The following FAAH2 variants were observed in gnomAD, a reference collection of about 807,000 sequenced individuals.
FAAH2 encodes the protein fatty acid amide hydrolase 2.
FAAH2 carries 60 observed loss-of-function variants against 36.9 expected under a neutral mutation model. The observed-to-expected ratio is 1.63, with a 90% CI of 1.32 to 2.02. The LOEUF (loss-of-function observed/expected upper bound fraction) is 2.02. FAAH2 is among the 30% of genes most tolerant of loss of function. The pLI, the probability that FAAH2 is intolerant of heterozygous loss-of-function variation, is 0.00. For missense variants in FAAH2, 689 were observed against 397.5 expected, an observed-to-expected ratio of 1.73 and a Z score of -6.23; for synonymous variants, 214 against 143.8, an observed-to-expected ratio of 1.49 and a Z score of -3.49.
the FAAH2 span, among the ~76,000 whole-genome samples, chrX:57,271,837 G>A: frequency 9.0e-6 from 1 of 110,703 alleles, no homozygotes; most frequent in Non-Finnish European, 1.9e-5. Flanking sequence ...AATCCAGAAT[G>A]CCTCTCTTCC....
At chrX:57,474,316 C>G (rs902122866) in intron 10 of FAAH2, among the ~76,000 whole-genome samples, 1 of 111,013 alleles carries the variant, frequency 9.0e-6, no homozygotes, top group African/African-American at 3.3e-5. Flanking sequence ...AGGCTTTAAG[C>G]CCTGCATTTA....
rs1188071570 is a variant in FAAH2 at position 57,310,635 on chromosome X, G to T, written c.318G>T (p.Lys106Asn). The change falls in exon 3 of 11, where the codon AAG becomes AAT. Residue 106 changes from lysine (K) to asparagine (N), a missense_variant. Coordinates refer to ENST00000374900, the MANE Select transcript of FAAH2 (RefSeq NM_174912.4). Reference sequence around the variant, plus strand: ...AGGAGGCTCATGCTGTAGATCAAAAGCTTGCAGAGAAGCAGGAAGATGAAG... The same window carrying T: ...AGGAGGCTCATGCTGTAGATCAAAATCTTGCAGAGAAGCAGGAAGATGAAG... The part of the protein sequence containing the change: ...AMKEAHAVDQ[K>N]LAEKQEDEAT... The T allele has an allele frequency of 8.3e-7, 1 of 1,210,096 alleles. No homozygotes were observed. The highest frequency in any genetic ancestry group is 3.0e-5 in the East Asian group (1 of 33,777).
intron 7 of FAAH2, among the ~76,000 whole-genome samples, chrX:57,405,435 C>T (rs1042887461): frequency 1.3e-4 from 14 of 110,404 alleles, no homozygotes; most frequent in African/African-American, 4.6e-4. Flanking sequence ...AGGCACTTAG[C>T]CATGCAGGAA....
chrX:57,313,656 A>G (rs1263983358), intron 3 of FAAH2, among the ~76,000 whole-genome samples: 1 of 110,556 alleles, frequency 9.0e-6, no homozygotes, highest in East Asian at 2.8e-4. Flanking sequence ...CCTCGCAAAT[A>G]AGCTTCATAA....
At chrX:57,256,119 C>A in the FAAH2 span, among the ~76,000 whole-genome samples, 7 of 111,845 alleles carry the variant, frequency 6.3e-5, no homozygotes, top group African/African-American at 9.7e-5. Flanking sequence ...ACAAGCATTG[C>A]TGTAAACAAA....
In FAAH2 at chrX:57,286,793, C is replaced by G; in HGVS notation, c.-33C>G. ...CTTTCCCCAGGGTGCACGTAACCCT[C>G]AAGCACTAGGACCGTGCGGAATCCA... is the stretch of plus-strand genomic sequence containing the variant. On this transcript the variant is annotated 5_prime_UTR_variant, in exon 1 of 11. Coordinates refer to ENST00000374900, the MANE Select transcript of FAAH2 (RefSeq NM_174912.4). 9.1e-7 allele frequency: 1 copy of G among 1,096,603 alleles called. No homozygotes were observed. The highest frequency in any genetic ancestry group is 1.2e-6 in the Non-Finnish European group (1 of 834,494). The allele number at this position is 1,096,603 out of a possible 1,213,427, so 90.4% of individuals were successfully genotyped here. A position where few individuals can be genotyped will look rare whatever the true frequency, so the allele number is the denominator to read the frequency against.
At chrX:57,421,077 C>T (rs1316652422) in intron 7 of FAAH2, among the ~76,000 whole-genome samples, 1 of 112,151 alleles carries the variant, frequency 8.9e-6, no homozygotes, top group African/African-American at 3.2e-5. Flanking sequence ...TGGTAATCAA[C>T]ATTCTATTCA....
intron 8 of FAAH2, among the ~76,000 whole-genome samples, chrX:57,434,328 T>TG (rs1325224362): frequency 9.2e-6 from 1 of 109,229 alleles, no homozygotes; most frequent in Non-Finnish European, 1.9e-5. Context: ...CCAATCATGC[T>TG]GACCCCTAAA....
chrX:57,262,707 C>T, the FAAH2 span, among the ~76,000 whole-genome samples: 1 of 111,445 alleles, frequency 9.0e-6, no homozygotes, highest in African/African-American at 3.3e-5. Context: ...GGATTTAAAA[C>T]TTCTAACACA....
rs1177198340 is a variant in FAAH2 at position 57,321,304 on chromosome X, T to A, written c.413-10294T>A. On this transcript the variant is annotated intron_variant, in intron 3 of 10. Coordinates refer to ENST00000374900, the MANE Select transcript of FAAH2 (RefSeq NM_174912.4). The stretch of plus-strand genomic sequence containing the variant: ...ACACATGGACACAGGGAGGGGACCA[T>A]CACACATTAGGGCACATTGGGGGTT... Among the ~76,000 whole-genome samples, 3 of 109,184 alleles carry A rather than the reference T, an allele frequency of 2.7e-5. No homozygotes were observed. In the East Asian group the frequency reaches 8.7e-4, roughly 32 times the overall value. 94.8% of individuals were successfully genotyped at this position (109,184 alleles called of 115,157 possible).
In FAAH2 at chrX:57,448,657, T is replaced by C. The variant is rs1465068889; in HGVS notation, c.1362T>C (p.His454=). The C allele has an allele frequency of 8.3e-7, 1 of 1,209,628 alleles. No homozygotes were observed. The highest frequency in any genetic ancestry group is 1.8e-5 in the African/African-American group (1 of 57,110). ...GDDGVFLYPS[H]PTVAPKHHVP... is the part of the protein sequence containing the mutation. ...ATGGTGTGTTCTTATATCCCTCACA[T>C]CCCACAGTGGCACCTAAGCATCATG... Residue 454 remains histidine (H), a synonymous_variant, in exon 10 of 11, where the codon CAT becomes CAC. Transcript: ENST00000374900.
the FAAH2 span, among the ~76,000 whole-genome samples, chrX:57,207,518 GC>G: frequency 8.9e-6 from 1 of 111,974 alleles, no homozygotes; most frequent in Non-Finnish European, 1.9e-5. Flanking sequence ...CCAATAAGCT[GC>G]TTTGCCTTGT....
rs902939901 is a variant in FAAH2, at chrX:57,424,905, C to T, written c.997-7013C>T. 4.5e-5 allele frequency among the ~76,000 whole-genome samples: 5 copies of T among 110,766 alleles called. 1 individual carries two copies. The highest frequency in any genetic ancestry group is 9.6e-5 in the Admixed American group (1 of 10,428). The stretch of plus-strand genomic sequence containing the variant: ...AATCAAAATGAAATTTTTGAAATAC[C>T]ACGTAAAGAATTCAAAACATTAATT... On this transcript the variant is annotated intron_variant, in intron 7 of 10. Coordinates refer to ENST00000374900, the MANE Select transcript of FAAH2 (RefSeq NM_174912.4).
intron 5 of FAAH2, among the ~76,000 whole-genome samples, chrX:57,377,884 A>G (rs1350925574): frequency 1.8e-5 from 2 of 111,484 alleles, no homozygotes; most frequent in African/African-American, 6.5e-5. Context: ...GTATTCGTAG[A>G]TATTTTATTT....
chrX:57,189,996 C>A, the FAAH2 span, among the ~76,000 whole-genome samples: 1 of 111,993 alleles, frequency 8.9e-6, no homozygotes, highest in African/African-American at 3.2e-5. Context: ...GCTGAAGCCG[C>A]GCCCACAGCT....
chrX:57,178,009 C>T, the FAAH2 span, among the ~76,000 whole-genome samples: 7 of 111,225 alleles, frequency 6.3e-5, no homozygotes, highest in African/African-American at 2.0e-4. Context: ...TCTTTAAACT[C>T]CTCTGGGTCT....
Position 57,331,710 on chromosome X carries a change from C to A in FAAH2, c.525C>A (p.Asn175Lys). 8.3e-7 allele frequency: 1 copy of A among 1,211,269 alleles called. No homozygotes were observed. The highest frequency in any genetic ancestry group is 1.1e-6 in the Non-Finnish European group (1 of 895,292). Residue 175 changes from asparagine to lysine, a missense_variant, in exon 4 of 11, where the codon AAC becomes AAA. By Grantham distance (94) the Asn-to-Lys change is moderately conservative. Coordinates refer to ENST00000374900, the MANE Select transcript of FAAH2 (RefSeq NM_174912.4). The stretch of plus-strand genomic sequence containing the variant: ...GTGCCATTCCTCTTGGCATAACCAA[C>A]TGTAGTGAGTTGTGTATGTGGTATG... ...GAGAIPLGIT[N>K]CSELCMWYES...
At chrX:57,182,635 C>T in the FAAH2 span, among the ~76,000 whole-genome samples, 31 of 111,095 alleles carry the variant, frequency 2.8e-4, no homozygotes, top group African/African-American at 8.2e-4. Flanking sequence ...GAAAGCAGTG[C>T]GGCACAACTC....
chrX:57,253,868 A>G, the FAAH2 span, among the ~76,000 whole-genome samples: 1 of 112,059 alleles, frequency 8.9e-6, no homozygotes. Context: ...GCATTAATTA[A>G]TGGACACAAT....
Sources: gnomAD v4.1 joint callset for allele counts (sites outside exome capture counted in the v4.1 genomes callset) on GRCh38, gnomAD v4.1.1 for gene constraint, MANE v1.5 for transcripts, NCBI Gene and HGNC (gene_info 2026-07-23, HGNC 2026-07-21) for gene names.